ATP8A1: variants seen among roughly 807,000 people sequenced by gnomAD.
ATP8A1 encodes the protein phospholipid-transporting ATPase IA.
ATP8A1 carries 90 observed loss-of-function variants against 177.7 expected under a neutral mutation model. The ratio of observed to expected loss-of-function variants is 0.51; its 90% confidence interval spans 0.43 to 0.60. The LOEUF is 0.60. Among genes scored for constraint, ATP8A1 ranks in the 20% least tolerant of loss-of-function variants. ATP8A1 has a pLI of 0.00. For synonymous variants in ATP8A1, 493 were observed against 485.9 expected (o/e 1.01, Z -0.19); for missense variants, 1,072 against 1,392.8 (o/e 0.77, Z 3.67).
intron 25 of ATP8A1, among the ~76,000 whole-genome samples, chr4:42,465,399 T>G (rs1719625300): frequency 6.6e-6 from 1 of 152,178 alleles, no homozygotes; most frequent in Non-Finnish European, 1.5e-5. Context: ...ACTTACAAAT[T>G]AAAAACAATG....
chr4:42,466,876 G>T (rs1719832102), intron 25 of ATP8A1, among the ~76,000 whole-genome samples: 4 of 152,162 alleles, frequency 2.6e-5, no homozygotes, highest in Admixed American at 2.0e-4. Context: ...GACTATAGTT[G>T]ACATTTAGTA....
chr4:42,653,378 G>A (rs988933910), intron 1 of ATP8A1, among the ~76,000 whole-genome samples: 4 of 152,056 alleles, frequency 2.6e-5, no homozygotes, highest in African/African-American at 9.7e-5. Context: ...GCACCTCCAG[G>A]GCCATGCTTT....
chr4:42,515,572 G>A (rs1162854502), intron 22 of ATP8A1, among the ~76,000 whole-genome samples: 3 of 152,162 alleles, frequency 2.0e-5, no homozygotes, highest in African/African-American at 7.2e-5. Flanking sequence ...TGTCAACCAC[G>A]TTTTGGGGAG....
rs572367290 is a variant in ATP8A1, at chr4:42,465,669, T to C, written c.2325-593A>G. 3.9e-5 allele frequency among the ~76,000 whole-genome samples: 6 copies of C among 152,324 alleles called. No homozygotes were observed. In the East Asian group the frequency reaches 9.6e-4, roughly 24 times the overall value. ...CAGGAACAGAAAACACCAGTATCTC[T>C]ATTAAAATCATATCTGGTATTAGAT... On this transcript the variant is annotated intron_variant, in intron 25 of 36. Transcript: ENST00000381668.
intron 33 of ATP8A1, among the ~76,000 whole-genome samples, chr4:42,429,213 T>C (rs971007367): frequency 1.3e-5 from 2 of 152,288 alleles, no homozygotes; most frequent in African/African-American, 4.8e-5. Context: ...GGAGAGGAGT[T>C]GATTCAGCTC....
chr4:42,420,002 C>CAA (rs11429291), intron 35 of ATP8A1, among the ~76,000 whole-genome samples: 29 of 140,402 alleles, frequency 2.1e-4, no homozygotes, highest in South Asian at 1.1e-3. Flanking sequence ...GACTCCGTCT[C>CAA]AAAAAAAAAC....
intron 1 of ATP8A1, among the ~76,000 whole-genome samples, chr4:42,633,178 TACCTGGC>T (rs2109514433): frequency 6.6e-6 from 1 of 152,316 alleles, no homozygotes; most frequent in Admixed American, 6.5e-5. Context: ...TGCCAACAAC[TACCTGGC>T]ACCTACTGAT....
intron 27 of ATP8A1, among the ~76,000 whole-genome samples, chr4:42,458,807 A>AG (rs1389373450): frequency 1.3e-5 from 2 of 152,224 alleles, no homozygotes; most frequent in Non-Finnish European, 2.9e-5. Context: ...GAGGCGTGGC[A>AG]GCTAAAGCTT....
intron 22 of ATP8A1, among the ~76,000 whole-genome samples, chr4:42,519,388 C>T (rs886906726): frequency 1.3e-5 from 2 of 152,180 alleles, no homozygotes; most frequent in African/African-American, 4.8e-5. Context: ...GCCATCACAT[C>T]TGTTCTATTT....
chr4:42,524,471 C>T (rs1186525637), intron 21 of ATP8A1, among the ~76,000 whole-genome samples: 1 of 149,544 alleles, frequency 6.7e-6, no homozygotes, highest in Non-Finnish European at 1.5e-5. Context: ...GCTCGAGATA[C>T]AAAGTGAAGT....
intron 25 of ATP8A1, among the ~76,000 whole-genome samples, chr4:42,478,550 G>C (rs868431906): frequency 7.2e-6 from 1 of 139,858 alleles, no homozygotes; most frequent in African/African-American, 2.6e-5. Flanking sequence ...TGGGGATAAG[G>C]GGAATACACA....
chr4:42,414,799 G>A, intron 35 of ATP8A1, 81 bp from the exon 36 acceptor site: 1 of 1,015,444 alleles, frequency 9.8e-7, no homozygotes, highest in Non-Finnish European at 1.6e-6. Flanking sequence ...ACCAAAGAGA[G>A]TTAGACTTAA....
chr4:42,430,838 T>C (rs1359704360), intron 33 of ATP8A1, among the ~76,000 whole-genome samples: 2 of 152,198 alleles, frequency 1.3e-5, no homozygotes, highest in Non-Finnish European at 2.9e-5. Flanking sequence ...CTCTCAGCAT[T>C]TGTCTATTTC....
chr4:42,522,587 G>T (rs956870186), intron 21 of ATP8A1, among the ~76,000 whole-genome samples: 1 of 152,054 alleles, frequency 6.6e-6, no homozygotes, highest in Admixed American at 6.6e-5. Flanking sequence ...TCTTTGCTTC[G>T]AATCTTCCAA....
chr4:42,438,234 G>C (rs181215668), intron 33 of ATP8A1, among the ~76,000 whole-genome samples: 3 of 152,284 alleles, frequency 2.0e-5, no homozygotes, highest in Admixed American at 1.3e-4. Flanking sequence ...CCTTCAGAAA[G>C]TGTGTCTTCA....
chr4:42,408,994 G>A lies in ATP8A1; in HGVS notation c.*3922C>T, dbSNP rs565582946. ...GGAGCTTTATTAAGAAAAGTTCTTA[G>A]AGGCAAGCTAAACAAAAGATTCAAT... is the stretch of plus-strand genomic sequence containing the variant. On this transcript the variant is annotated 3_prime_UTR_variant, in exon 37 of 37. Coordinates refer to ENST00000381668, the MANE Select transcript of ATP8A1 (RefSeq NM_006095.2). 1 of 152,282 alleles carries A rather than the reference G, an allele frequency of 6.6e-6. No homozygotes were observed. Among genetic ancestry groups the A allele is most frequent in the African/African-American group, 2.4e-5 (1 of 41,556 alleles). The allele number at this position is 152,282 out of a possible 1,614,324, so 9.4% of individuals were successfully genotyped here.
chr4:42,613,298 T>A (rs1736556401), intron 5 of ATP8A1, among the ~76,000 whole-genome samples: 1 of 152,140 alleles, frequency 6.6e-6, no homozygotes, highest in African/African-American at 2.4e-5. Context: ...AGCCATAATT[T>A]CTTGGATATG....
intron 24 of ATP8A1, among the ~76,000 whole-genome samples, chr4:42,500,158 A>G (rs1723713353): frequency 6.6e-6 from 1 of 152,184 alleles, no homozygotes; most frequent in African/African-American, 2.4e-5. Context: ...TGAGGTCAGG[A>G]GTTCAAGACC....
In ATP8A1 at chr4:42,464,729, T is replaced by G. The variant is rs748819525; in HGVS notation, c.2580A>C (p.Leu860Phe). The change falls in exon 27 of 37, where the codon TTA becomes TTC. Residue 860 changes from leucine to phenylalanine, a missense_variant. Physicochemically the swap from Leu to Phe is conservative, Grantham distance 22. Coordinates refer to ENST00000381668, the MANE Select transcript of ATP8A1 (RefSeq NM_006095.2). ...GCACTATATTCTTGTAGAAGCAGTA[T>G]AAGATGCACTTGGAGACTCTGTTAT... ...WNYNRVSKCI[L>F]YCFYKNIVLY... The G allele has an allele frequency of 2.5e-6, 4 of 1,613,050 alleles. No homozygotes were observed. The highest frequency in any genetic ancestry group is 3.4e-6 in the Non-Finnish European group (4 of 1,179,020).
Sources: allele counts gnomAD v4.1 joint callset (sites outside exome capture counted in the v4.1 genomes callset), GRCh38; gene constraint gnomAD v4.1.1; transcripts MANE v1.5; gene names NCBI Gene and HGNC (gene_info 2026-07-23, HGNC 2026-07-21).